The following IPCEF1 variants were observed in gnomAD, a reference collection of about 807,000 sequenced individuals.
IPCEF1 encodes the protein interactor protein for cytohesin exchange factors 1.
A neutral mutation model predicts 50.9 loss-of-function variants in IPCEF1; 31 were observed. The observed-to-expected ratio is 0.61, with a 90% CI of 0.46 to 0.82. The LOEUF (loss-of-function observed/expected upper bound fraction) is 0.82. Among genes scored for constraint, IPCEF1 ranks in the 40% least tolerant of loss-of-function variants. The pLI, the probability that IPCEF1 is intolerant of heterozygous loss-of-function variation, is 0.00. For missense variants in IPCEF1, 458 were observed against 514.0 expected, an observed-to-expected ratio of 0.89 and a Z score of 1.05; for synonymous variants, 181 against 192.0, an observed-to-expected ratio of 0.94 and a Z score of 0.47.
At position 154,155,656 on chromosome 6, in the gene IPCEF1, G is replaced by C. The variant is rs187762090; in HGVS notation, c.*4172C>G. 3.3e-5 allele frequency: 5 copies of C among 151,984 alleles called. No homozygotes were observed. The East Asian group carries it at 9.7e-4, about 29-fold the overall frequency. 9.4% of individuals were successfully genotyped at this position (151,984 alleles called of 1,614,324 possible). On this transcript the variant is annotated 3_prime_UTR_variant, in exon 12 of 12. Coordinates refer to ENST00000367220, the MANE Select transcript of IPCEF1 (RefSeq NM_001130700.2). ...TACTAAAAATATAAAAATTAGCCGG[G>C]CGTAGTCCCAGCTACTCGGGAGGCT...
intron 5 of IPCEF1, among the ~76,000 whole-genome samples, chr6:154,227,472 A>G (rs995901445): frequency 6.6e-6 from 1 of 152,054 alleles, no homozygotes; most frequent in African/African-American, 2.4e-5. Context: ...TAATCCCAAC[A>G]CTTTTGGAGG....
chr6:154,198,699 C>T (rs974524252), intron 10 of IPCEF1, among the ~76,000 whole-genome samples: 4 of 151,558 alleles, frequency 2.6e-5, no homozygotes, highest in Admixed American at 6.6e-5. Context: ...GGGCAAATTA[C>T]GCTGATACCA....
chr6:154,176,604 A>G (rs569303061), intron 10 of IPCEF1, among the ~76,000 whole-genome samples: 1 of 152,308 alleles, frequency 6.6e-6, no homozygotes, highest in East Asian at 1.9e-4. Context: ...TAGGAATCCA[A>G]TTTACAAGGG....
At chr6:154,247,011 G>A in intron 4 of IPCEF1, 1 of 445,210 alleles carries the variant, frequency 2.2e-6, no homozygotes, top group Non-Finnish European at 3.9e-6. Context: ...ATAAGATACG[G>A]CCAAAGAAAC....
chr6:154,191,815 T>A (rs1377755768), intron 10 of IPCEF1, among the ~76,000 whole-genome samples: 1 of 152,162 alleles, frequency 6.6e-6, no homozygotes, highest in Non-Finnish European at 1.5e-5. Flanking sequence ...GTGTTAATAA[T>A]AGAGGAAATT....
intron 11 of IPCEF1, among the ~76,000 whole-genome samples, chr6:154,166,732 C>T (rs1161689003): frequency 1.3e-5 from 2 of 152,138 alleles, no homozygotes; most frequent in East Asian, 1.9e-4. Context: ...GAAATACTTG[C>T]TCAATGAAAA....
intron 10 of IPCEF1, among the ~76,000 whole-genome samples, chr6:154,171,110 C>T (rs990707399): frequency 6.6e-6 from 1 of 152,120 alleles, no homozygotes. Flanking sequence ...AATTACACTC[C>T]TACATAAATA....
chr6:154,193,371 G>A (rs1216392069), intron 10 of IPCEF1, among the ~76,000 whole-genome samples: 1 of 152,164 alleles, frequency 6.6e-6, no homozygotes, highest in Non-Finnish European at 1.5e-5. Flanking sequence ...GAAAGGATAA[G>A]AGTGAGGTGA....
At chr6:154,185,134 G>A (rs535614833) in intron 10 of IPCEF1, among the ~76,000 whole-genome samples, 1 of 152,178 alleles carries the variant, frequency 6.6e-6, no homozygotes, top group East Asian at 1.9e-4. Flanking sequence ...GAATATTATT[G>A]TCCCCTGAGC....
At chr6:154,227,983 C>G (rs1223713359) in intron 5 of IPCEF1, among the ~76,000 whole-genome samples, 7 of 95,914 alleles carry the variant, frequency 7.3e-5, no homozygotes, top group Non-Finnish European at 1.5e-4. Context: ...GCTTATTTGA[C>G]TTGCAAAAAA....
At chr6:154,182,705 G>T (rs1045801880) in intron 10 of IPCEF1, among the ~76,000 whole-genome samples, 1 of 152,106 alleles carries the variant, frequency 6.6e-6, no homozygotes, top group Non-Finnish European at 1.5e-5. Context: ...GTGGGAAGCT[G>T]GAAAATGACC....
chr6:154,224,130 G>C (rs1779073117), intron 5 of IPCEF1, among the ~76,000 whole-genome samples: 1 of 152,172 alleles, frequency 6.6e-6, no homozygotes, highest in African/African-American at 2.4e-5. Context: ...GAATCTACAA[G>C]ATTAAACATA....
At chr6:154,212,267 G>A (rs1029620239) in intron 9 of IPCEF1, among the ~76,000 whole-genome samples, 5 of 152,146 alleles carry the variant, frequency 3.3e-5, no homozygotes, top group African/African-American at 1.2e-4. Context: ...AATCAAATTT[G>A]AATTCCTCTC....
chr6:154,272,867 AT>A (rs1172316407), intron 2 of IPCEF1, among the ~76,000 whole-genome samples: 3 of 152,042 alleles, frequency 2.0e-5, no homozygotes, highest in African/African-American at 2.4e-5. Context: ...CATAATCAGT[AT>A]TTTTTTTAAG....
At chr6:154,283,391 T>C (rs111411868) in intron 2 of IPCEF1, among the ~76,000 whole-genome samples, 2,693 of 149,648 alleles carry the variant, frequency 0.018, 41 homozygotes, top group Middle Eastern at 0.066. Context: ...GGTCAGGAGA[T>C]CATGACCATC....
chr6:154,156,890 A>T lies in IPCEF1; in HGVS notation c.*2938T>A, dbSNP rs184907709. 50 of 152,320 alleles carry T rather than the reference A, an allele frequency of 3.3e-4. 1 individual carries two copies. The highest frequency in any genetic ancestry group is 3.1e-3 in the Admixed American group (47 of 15,306). 9.4% of individuals were successfully genotyped at this position (152,320 alleles called of 1,614,324 possible). ...GGTCCTCTTCACAACCCCAAAGAGG[A>T]GTCCTCTCCAAATCCTAATCTTTAG... On this transcript the variant is annotated 3_prime_UTR_variant, in exon 12 of 12. Transcript: ENST00000367220.
intron 10 of IPCEF1, among the ~76,000 whole-genome samples, chr6:154,188,564 G>A (rs1291521013): frequency 6.6e-6 from 1 of 152,162 alleles, no homozygotes; most frequent in East Asian, 1.9e-4. Flanking sequence ...AGGTTAAAAT[G>A]GCCAAGAGTA....
At chr6:154,331,802 T>G (rs1287907105) in intron 1 of IPCEF1, among the ~76,000 whole-genome samples, 1 of 152,092 alleles carries the variant, frequency 6.6e-6, no homozygotes, top group Non-Finnish European at 1.5e-5. Context: ...CCCTCCCAAG[T>G]GCTGAAAGGC....
intron 3 of IPCEF1, among the ~76,000 whole-genome samples, chr6:154,257,878 T>G (rs937357507): frequency 3.3e-5 from 5 of 152,182 alleles, no homozygotes; most frequent in African/African-American, 1.2e-4. Context: ...AATTTTTTAT[T>G]TTTTGGTAGA....
Sources: gnomAD v4.1 joint callset for allele counts (sites outside exome capture counted in the v4.1 genomes callset) on GRCh38, gnomAD v4.1.1 for gene constraint, MANE v1.5 for transcripts, NCBI Gene and HGNC (gene_info 2026-07-23, HGNC 2026-07-21) for gene names.